Variants in ADRM1 observed in about 807,000 individuals in gnomAD.
ADRM1 encodes proteasomal ubiquitin receptor ADRM1.
ADRM1 carries 2 observed loss-of-function variants against 40.1 expected under a neutral mutation model. The ratio of observed to expected loss-of-function variants is 0.05; its 90% CI spans 0.02 to 0.16. ADRM1 has a LOEUF of 0.16. Ranked by LOEUF, ADRM1 falls within the 10% of genes least tolerant of loss-of-function variation. The probability of loss-of-function intolerance (pLI) is 1.00; values close to 1 mark genes in which losing one functional copy is unlikely to be tolerated. For synonymous variants in ADRM1, 287 were observed against 240.4 expected, an observed-to-expected ratio of 1.19 and a Z score of -1.79; for missense variants, 467 against 552.5, an observed-to-expected ratio of 0.85 and a Z score of 1.55.
Position 62,307,352 on chromosome 20 carries a change from A to G in ADRM1, c.542-19A>G, listed in dbSNP as rs769026328. ...GGGCTAGAGGGCATCCTGAGCTCGCATTTCCTTGCCCCTCGCAGGTGGGCT... is the reference window on the plus strand; with the variant it reads ...GGGCTAGAGGGCATCCTGAGCTCGCGTTTCCTTGCCCCTCGCAGGTGGGCT... On this transcript the variant is annotated intron_variant, in intron 5 of 9. Coordinates refer to ENST00000253003, the MANE Select transcript of ADRM1 (RefSeq NM_007002.4). 4 of 1,595,158 alleles carry G rather than the reference A, an allele frequency of 2.5e-6. No individual in the cohort carries two copies. The highest frequency in any genetic ancestry group is 1.4e-5 in the African/African-American group (1 of 73,798).
intron 5 of ADRM1, among the ~76,000 whole-genome samples, 163 bp from the exon 6 acceptor site, chr20:62,307,208 T>C (rs1340412799): frequency 1.3e-5 from 2 of 152,206 alleles, no homozygotes; most frequent in African/African-American, 4.8e-5. Flanking sequence ...GCCGCAAGTG[T>C]CCACCCGCCC....
chr20:62,304,669 C>A (rs532757148), intron 3 of ADRM1, 92 bp downstream of exon 3: 29 of 1,280,852 alleles, frequency 2.3e-5, no homozygotes, highest in Non-Finnish European at 2.9e-5. Flanking sequence ...CTTTTATAAA[C>A]CAGCAGGCGC....
intron 7 of ADRM1, 65 bp downstream of exon 7, chr20:62,307,893 C>T (rs1985355555): frequency 1.5e-5 from 23 of 1,553,394 alleles, no homozygotes; most frequent in Non-Finnish European, 1.8e-5. Flanking sequence ...CGCACGCTCA[C>T]CTTCCAAGGC....
Position 62,306,646 on chromosome 20 carries a change from A to G in ADRM1, c.455-2A>G. 1 of 1,605,830 alleles carries G rather than the reference A, an allele frequency of 6.2e-7. No individual in the cohort carries two copies. Among genetic ancestry groups the G allele is most frequent in the Non-Finnish European group, 8.5e-7 (1 of 1,176,672 alleles). ...GCCCGCCTGAGCTGCAGTGTTTTCCAGGTGAGGGTGGCCTGCAGAGCCTGC... is the reference window on the plus strand; with the variant it reads ...GCCCGCCTGAGCTGCAGTGTTTTCCGGGTGAGGGTGGCCTGCAGAGCCTGC... On this transcript the variant is annotated splice_acceptor_variant, in intron 4 of 9. Coordinates refer to ENST00000253003, the MANE Select transcript of ADRM1 (RefSeq NM_007002.4). LOFTEE classifies it high-confidence loss of function.
Position 62,307,805 on chromosome 20 carries a change from C to T in ADRM1, c.833C>T (p.Ala278Val), listed in dbSNP as rs1985322675. The T allele has an allele frequency of 1.9e-6, 3 of 1,609,302 alleles. No homozygotes were observed. The highest frequency in any genetic ancestry group is 2.7e-5 in the African/African-American group (2 of 74,874). The change falls in exon 7 of 10, where the codon GCC (alanine) becomes GTC (valine). Residue 278 changes from alanine (A) to valine (V), a missense_variant. By Grantham distance (64) the Ala-to-Val change is moderately conservative. Transcript: ENST00000253003. The part of the protein sequence containing the change: ...QSILATMNVP[A>V]GPAGGQQVDL... ...ATCCTGGCCACGATGAACGTACCAG[C>T]CGGGCCAGCAGGCGGCCAGCAAGGT...
chr20:62,308,208 T>C (rs1276267657), intron 8 of ADRM1, 30 bp downstream of exon 8: 1 of 1,585,966 alleles, frequency 6.3e-7, no homozygotes, highest in Non-Finnish European at 8.6e-7. Context: ...TGTCCTCCAC[T>C]GTGTGCTCAG....
intron 6 of ADRM1, 56 bp from the exon 7 acceptor site, chr20:62,307,540 A>G: frequency 6.2e-7 from 1 of 1,600,086 alleles, no homozygotes; most frequent in Non-Finnish European, 8.5e-7. Context: ...GGACCCTGCG[A>G]GTAGGCCCTG....
chr20:62,306,496 G>T, intron 4 of ADRM1, 152 bp from the exon 5 acceptor site: 1 of 1,289,910 alleles, frequency 7.8e-7, no homozygotes, highest in Non-Finnish European at 1.1e-6. Flanking sequence ...GGGTAGGACG[G>T]GTCTGCATCC....
chr20:62,308,727 A>G lies in ADRM1; in HGVS notation c.1190A>G (p.Lys397Arg), dbSNP rs36107815. Reference protein sequence around the residue: ...PEQKEGDTKDKKDEEEDMSLD With the variant: ...PEQKEGDTKDRKDEEEDMSLD ...CAGAAAGAGGGCGACACGAAGGACA[A>G]GAAGGACGAAGAGGAGGACATGAGC... The change falls in exon 10 of 10, where the codon AAG (lysine) becomes AGG (arginine). Residue 397 changes from lysine to arginine, a missense_variant. By Grantham distance (26) the Lys-to-Arg change is conservative. This residue lies in a region of ADRM1 where 418 missense variants were observed against 474.6 expected (regional missense o/e 0.88). Transcript: ENST00000253003. 1 of 1,569,400 alleles carries G rather than the reference A, an allele frequency of 6.4e-7. No homozygotes were observed. The highest frequency in any genetic ancestry group is 8.8e-7 in the Non-Finnish European group (1 of 1,140,800).
chr20:62,306,794 C>A, intron 5 of ADRM1, 60 bp downstream of exon 5: 2 of 1,436,742 alleles, frequency 1.4e-6, no homozygotes, highest in South Asian at 1.3e-5. Flanking sequence ...GAGGCCCGGT[C>A]TCTGTTTCCT....
intron 2 of ADRM1, 96 bp from the exon 3 acceptor site, chr20:62,304,365 C>G (rs1427024322): frequency 9.4e-7 from 1 of 1,062,512 alleles, no homozygotes; most frequent in Non-Finnish European, 1.4e-6. Context: ...CCTTGCGCAC[C>G]CCACCCGGTT....
intron 9 of ADRM1, 85 bp from the exon 10 acceptor site, chr20:62,308,564 GGTCACA>G: frequency 1.3e-6 from 2 of 1,565,020 alleles, no homozygotes; most frequent in Non-Finnish European, 1.7e-6. Context: ...AGGGGGTAAA[GGTCACA>G]GCCCTTCTGC....
Position 62,303,792 on chromosome 20 carries a change from C to T in ADRM1, c.213+11C>T, listed in dbSNP as rs201877420. The T allele has an allele frequency of 5.6e-6, 9 of 1,607,750 alleles. No homozygotes were observed. The highest frequency in any genetic ancestry group is 1.7e-4 in the Middle Eastern group (1 of 6,048). On this transcript the variant is annotated intron_variant, in intron 2 of 9. Coordinates refer to ENST00000253003, the MANE Select transcript of ADRM1 (RefSeq NM_007002.4). ...GGGAACGTGGAAGACGTGAGTGTCCCTGAGCCGCAGCAGCAGGACAGGCGA... is the reference window on the plus strand; with the variant it reads ...GGGAACGTGGAAGACGTGAGTGTCCTTGAGCCGCAGCAGCAGGACAGGCGA...
intron 3 of ADRM1, chr20:62,305,967 C>T: frequency 1.8e-6 from 1 of 549,278 alleles, no homozygotes; most frequent in Non-Finnish European, 3.2e-6. Context: ...GGACAGGGCA[C>T]ACCCGGGATT....
chr20:62,306,510 C>A, intron 4 of ADRM1, 138 bp from the exon 5 acceptor site: 3 of 1,268,530 alleles, frequency 2.4e-6, no homozygotes, highest in Admixed American at 4.0e-5. Flanking sequence ...TGCATCCCAC[C>A]GTCGCCTCAC....
intron 5 of ADRM1, 83 bp downstream of exon 5, chr20:62,306,817 T>A: frequency 7.7e-7 from 1 of 1,291,172 alleles, no homozygotes; most frequent in Non-Finnish European, 1.1e-6. Context: ...AAACTTCTGC[T>A]GGCTCTGTCT....
At chr20:62,304,061 G>T in intron 2 of ADRM1, 1 of 525,906 alleles carries the variant, frequency 1.9e-6, no homozygotes, top group Non-Finnish European at 3.4e-6. Flanking sequence ...GAGGTGCCTG[G>T]GGTTGGAGGT....
chr20:62,308,239 G>A (rs1033310543), intron 8 of ADRM1, 61 bp downstream of exon 8: 4 of 1,552,828 alleles, frequency 2.6e-6, no homozygotes, highest in East Asian at 2.3e-5. Context: ...GGGGGGAGGA[G>A]GAGGCCCTGC....
intron 4 of ADRM1, 73 bp downstream of exon 4, chr20:62,306,393 C>G (rs1194135044): frequency 1.2e-6 from 2 of 1,606,840 alleles, no homozygotes; most frequent in East Asian, 4.5e-5. Flanking sequence ...GACTCGCCCC[C>G]TCAGCACAGG....
Sources: allele counts gnomAD v4.1 joint callset (sites outside exome capture counted in the v4.1 genomes callset), GRCh38; gene constraint gnomAD v4.1.1; regional missense constraint gnomAD v4.1.1; transcripts MANE v1.5; gene names NCBI Gene and HGNC (gene_info 2026-07-23, HGNC 2026-07-21).